The following CNBD1 variants were observed in gnomAD, a reference collection of about 807,000 sequenced individuals.
CNBD1 encodes the protein cyclic nucleotide-binding domain-containing protein 1.
Under a neutral mutation model 54.4 loss-of-function variants are expected in CNBD1, and 71 were observed. The observed-to-expected ratio is 1.30, with a 90% CI of 1.08 to 1.59. The LOEUF is 1.59. Ranked by LOEUF, CNBD1 falls within the 40% of genes most tolerant of loss-of-function variation. The pLI is 0.00. For synonymous variants in CNBD1, 182 were observed against 170.7 expected (o/e 1.07, Z -0.51); for missense variants, 659 against 518.0 (o/e 1.27, Z -2.64).
intron 10 of CNBD1, among the ~76,000 whole-genome samples, chr8:87,355,941 C>A (rs908165447): frequency 6.6e-6 from 1 of 152,030 alleles, no homozygotes; most frequent in Admixed American, 6.6e-5. Flanking sequence ...AGTTCTCACT[C>A]TATTAGTTCA....
chr8:87,114,429 C>A (rs1294539985), intron 4 of CNBD1, among the ~76,000 whole-genome samples: 2 of 152,198 alleles, frequency 1.3e-5, no homozygotes, highest in Non-Finnish European at 2.9e-5. Flanking sequence ...TGTCTCACTA[C>A]AACCTCCGCC....
intron 4 of CNBD1, among the ~76,000 whole-genome samples, chr8:87,204,741 C>T (rs1037345305): frequency 3.9e-5 from 6 of 152,072 alleles, no homozygotes; most frequent in African/African-American, 1.4e-4. Flanking sequence ...AAAGAAAAAC[C>T]TCTGTCTTTA....
intron 4 of CNBD1, among the ~76,000 whole-genome samples, chr8:87,063,398 A>G (rs1049125427): frequency 3.3e-5 from 5 of 152,262 alleles, no homozygotes; most frequent in African/African-American, 9.6e-5. Flanking sequence ...GAATTTTTCA[A>G]TGCTCTGAAG....
intron 8 of CNBD1, among the ~76,000 whole-genome samples, chr8:87,308,660 C>G (rs1448909219): frequency 6.6e-6 from 1 of 152,060 alleles, no homozygotes; most frequent in Non-Finnish European, 1.5e-5. Context: ...CTATAGTCAC[C>G]TTACTGTGAT....
intron 5 of CNBD1, among the ~76,000 whole-genome samples, chr8:87,230,881 A>C (rs1045104324): frequency 1.3e-5 from 2 of 152,246 alleles, no homozygotes; most frequent in Non-Finnish European, 2.9e-5. Flanking sequence ...TTTTATGGAG[A>C]ATATCTAGTG....
intron 4 of CNBD1, among the ~76,000 whole-genome samples, chr8:86,987,442 G>T (rs1261456569): frequency 6.6e-6 from 1 of 152,088 alleles, no homozygotes. Context: ...GAATCATAAT[G>T]TCAATAAAGA....
intron 10 of CNBD1, among the ~76,000 whole-genome samples, chr8:87,375,936 T>A (rs1251312813): frequency 6.6e-6 from 1 of 151,916 alleles, no homozygotes; most frequent in Non-Finnish European, 1.5e-5. Context: ...GATAAATAGA[T>A]CTCTTGCAGG....
Position 87,213,016 on chromosome 8 carries a change from TTAAC to T in CNBD1, c.577+6879_577+6882del, listed in dbSNP as rs144332942. Among the ~76,000 whole-genome samples, 1,230 of 152,086 alleles carry T rather than the reference TTAAC, an allele frequency of 8.1e-3. 28 individuals are homozygous for T. Among genetic ancestry groups the T allele is most frequent in the African/African-American group, 0.023 (966 of 41,448 alleles). On this transcript the variant is annotated intron_variant, in intron 5 of 10. Coordinates refer to ENST00000518476, the MANE Select transcript of CNBD1 (RefSeq NM_173538.3). ...GTAAACCTGAGTAACAAGAAGACAATTAACCCAATTTCGAAAATGAGTATATTAG... is the reference window on the plus strand; with the variant it reads ...GTAAACCTGAGTAACAAGAAGACAATCCAATTTCGAAAATGAGTATATTAG...
At chr8:87,070,545 T>C (rs1433074922) in intron 4 of CNBD1, among the ~76,000 whole-genome samples, 2 of 152,148 alleles carry the variant, frequency 1.3e-5, no homozygotes, top group African/African-American at 4.8e-5. Flanking sequence ...TCAAAAATAC[T>C]ATGTATGACT....
intron 4 of CNBD1, among the ~76,000 whole-genome samples, chr8:87,147,597 A>T (rs1191799035): frequency 6.6e-6 from 1 of 152,140 alleles, no homozygotes; most frequent in Non-Finnish European, 1.5e-5. Flanking sequence ...TGCTCAGAGT[A>T]ATTTCTACTA....
intron 4 of CNBD1, among the ~76,000 whole-genome samples, chr8:87,161,138 T>C (rs1812849087): frequency 6.6e-6 from 1 of 152,142 alleles, no homozygotes; most frequent in South Asian, 2.1e-4. Context: ...TTGCTTCCAT[T>C]ATGTTGCTCT....
chr8:86,937,474 C>G (rs867909126), intron 3 of CNBD1, among the ~76,000 whole-genome samples: 1 of 152,158 alleles, frequency 6.6e-6, no homozygotes, highest in Admixed American at 6.5e-5. Context: ...AGCATTAACT[C>G]AGAAGTCCAG....
At chr8:87,354,540 T>A (rs1056790457) in intron 10 of CNBD1, among the ~76,000 whole-genome samples, 1 of 152,058 alleles carries the variant, frequency 6.6e-6, no homozygotes, top group East Asian at 1.9e-4. Context: ...ATATCTCCTA[T>A]TGCTATCCCT....
intron 8 of CNBD1, among the ~76,000 whole-genome samples, chr8:87,351,197 G>A (rs1056491661): frequency 6.6e-6 from 1 of 152,202 alleles, no homozygotes; most frequent in Non-Finnish European, 1.5e-5. Context: ...CTGGGCCAAT[G>A]TGGCCTCAAA....
intron 4 of CNBD1, among the ~76,000 whole-genome samples, chr8:86,956,510 G>T (rs554411044): frequency 6.6e-6 from 1 of 152,268 alleles, no homozygotes; most frequent in South Asian, 2.1e-4. Flanking sequence ...ATTTCACTGA[G>T]CAGTGGTTTG....
At chr8:87,318,623 G>T (rs936971466) in intron 8 of CNBD1, among the ~76,000 whole-genome samples, 3 of 151,960 alleles carry the variant, frequency 2.0e-5, no homozygotes, top group African/African-American at 7.3e-5. Flanking sequence ...AACGCTGGAG[G>T]CAGTCAGTAA....
At chr8:87,053,063 T>A (rs1422921849) in intron 4 of CNBD1, among the ~76,000 whole-genome samples, 1 of 152,102 alleles carries the variant, frequency 6.6e-6, no homozygotes, top group Non-Finnish European at 1.5e-5. Context: ...CTCAGAAGTT[T>A]TCTTTGATGG....
At chr8:87,346,190 C>A (rs150307732) in intron 8 of CNBD1, among the ~76,000 whole-genome samples, 1 of 151,812 alleles carries the variant, frequency 6.6e-6, no homozygotes, top group Non-Finnish European at 1.5e-5. Context: ...TACAGGCATG[C>A]GCCACCACGC....
At chr8:87,180,044 G>A (rs932767230) in intron 4 of CNBD1, among the ~76,000 whole-genome samples, 1 of 151,914 alleles carries the variant, frequency 6.6e-6, no homozygotes, top group Non-Finnish European at 1.5e-5. Flanking sequence ...AATAGAAAAC[G>A]GTATAAAAGA....
Sources: allele counts gnomAD v4.1 joint callset (sites outside exome capture counted in the v4.1 genomes callset), GRCh38; gene constraint gnomAD v4.1.1; transcripts MANE v1.5; gene names NCBI Gene and HGNC (gene_info 2026-07-23, HGNC 2026-07-21).